Variants in PCDH9 observed in about 807,000 individuals in gnomAD.
PCDH9 encodes the protein protocadherin 9.
A neutral mutation model predicts 70.6 loss-of-function variants in PCDH9; 24 were observed. The ratio of observed to expected loss-of-function variants is 0.34; its 90% CI spans 0.25 to 0.48. The LOEUF (loss-of-function observed/expected upper bound fraction) is 0.48. Ranked by LOEUF, PCDH9 falls within the 20% of genes least tolerant of loss-of-function variation. The probability of loss-of-function intolerance (pLI) is 0.99; values close to 1 mark genes in which losing one functional copy is unlikely to be tolerated. For synonymous variants in PCDH9, 562 were observed against 558.5 expected (o/e 1.01, Z -0.09); for missense variants, 1,281 against 1,503.6 (o/e 0.85, Z 2.45).
intron 4 of PCDH9, among the ~76,000 whole-genome samples, chr13:66,524,232 A>G (rs921288287): frequency 2.1e-4 from 32 of 152,134 alleles, no homozygotes; most frequent in African/African-American, 6.0e-4. Context: ...TGAAAACTGT[A>G]GCTTAATAAT....
At chr13:66,647,459 T>C (rs1566479748) in intron 3 of PCDH9, among the ~76,000 whole-genome samples, 1 of 152,128 alleles carries the variant, frequency 6.6e-6, no homozygotes, top group Non-Finnish European at 1.5e-5. Context: ...AAAGGAAAAC[T>C]GCTGTCTTGA....
At chr13:66,648,717 TA>T (rs1005900935) in intron 3 of PCDH9, among the ~76,000 whole-genome samples, 8 of 150,990 alleles carry the variant, frequency 5.3e-5, no homozygotes, top group Admixed American at 2.0e-4. Context: ...CTCACCTCAC[TA>T]AAAAAAACTA....
chr13:66,967,317 T>C (rs1227645043), intron 2 of PCDH9, among the ~76,000 whole-genome samples: 6 of 152,098 alleles, frequency 3.9e-5, no homozygotes, highest in Admixed American at 2.0e-4. Context: ...AAAGCCACAC[T>C]GTCCAACATT....
chr13:66,572,685 C>A (rs1304843985), intron 4 of PCDH9, among the ~76,000 whole-genome samples: 1 of 152,132 alleles, frequency 6.6e-6, no homozygotes, highest in Non-Finnish European at 1.5e-5. Context: ...GAGTGCAGAT[C>A]TTTTCTACGC....
intron 2 of PCDH9, among the ~76,000 whole-genome samples, chr13:67,012,264 T>C (rs1416759268): frequency 6.6e-6 from 1 of 151,570 alleles, no homozygotes; most frequent in Non-Finnish European, 1.5e-5. Flanking sequence ...AAATGTAACC[T>C]TATAAATTAT....
chr13:66,779,646 C>T lies in PCDH9; in HGVS notation c.3138+123858G>A, dbSNP rs1048743608. 9.9e-5 allele frequency among the ~76,000 whole-genome samples: 15 copies of T among 151,978 alleles called. No homozygotes were observed. The South Asian group carries it at 3.1e-3, about 32-fold the overall frequency. On this transcript the variant is annotated intron_variant, in intron 3 of 4. Transcript: ENST00000377865. ...GACCATCTTAGCCAACATGGTGAAA[C>T]CCTGTCTCTACTAAAAATACAAAAA...
chr13:66,587,301 C>G (rs1027925217), intron 4 of PCDH9, among the ~76,000 whole-genome samples: 5 of 151,172 alleles, frequency 3.3e-5, no homozygotes, highest in Admixed American at 2.7e-4. Context: ...CTGTCTCAAA[C>G]AAAACAAAAC....
At chr13:67,121,943 G>A (rs2086885424) in intron 2 of PCDH9, among the ~76,000 whole-genome samples, 1 of 152,034 alleles carries the variant, frequency 6.6e-6, no homozygotes, top group Admixed American at 6.6e-5. Context: ...TTGTTTTAAA[G>A]CTGTACACAT....
At chr13:66,425,683 A>T (rs9285254) in intron 4 of PCDH9, among the ~76,000 whole-genome samples, 60,065 of 151,492 alleles carry the variant, frequency 0.4, 12,497 homozygotes, top group East Asian at 0.51. Flanking sequence ...TGTTCAGGTC[A>T]TCAGGATTAT....
At chr13:66,391,867 CTCTT>C (rs1957023518) in intron 4 of PCDH9, among the ~76,000 whole-genome samples, 1 of 130,186 alleles carries the variant, frequency 7.7e-6, no homozygotes, top group Admixed American at 8.7e-5. Flanking sequence ...CTCTCTCTCT[CTCTT>C]TGCCATATAT....
At chr13:66,389,236 T>C (rs1956979449) in intron 4 of PCDH9, among the ~76,000 whole-genome samples, 1 of 152,222 alleles carries the variant, frequency 6.6e-6, no homozygotes, top group Non-Finnish European at 1.5e-5. Flanking sequence ...TTTATCATTT[T>C]CTATTCTCCA....
chr13:67,119,210 G>T (rs1459481529), intron 2 of PCDH9, among the ~76,000 whole-genome samples: 1 of 152,018 alleles, frequency 6.6e-6, no homozygotes, highest in Non-Finnish European at 1.5e-5. Context: ...TATTGTTGTT[G>T]AAGATATTGT....
At chr13:66,977,377 G>A (rs1170659224) in intron 2 of PCDH9, 2 of 152,070 alleles carry the variant, frequency 1.3e-5, no homozygotes, top group Non-Finnish European at 2.9e-5. Flanking sequence ...GAGAGTCATA[G>A]CAGCAGGATA....
intron 3 of PCDH9, among the ~76,000 whole-genome samples, chr13:66,844,564 G>A (rs1373408981): frequency 2.0e-5 from 3 of 146,766 alleles, no homozygotes; most frequent in Non-Finnish European, 3.0e-5. Context: ...TAGCCAGGGT[G>A]ACAGGGCGAG....
Position 67,169,948 on chromosome 13 carries a change from C to T in PCDH9, c.3036+55457G>A, listed in dbSNP as rs779675728. Among the ~76,000 whole-genome samples, 4 of 152,130 alleles carry T rather than the reference C, an allele frequency of 2.6e-5. 1 individual carries two copies. Among genetic ancestry groups the T allele is most frequent in the Non-Finnish European group, 5.9e-5 (4 of 68,018 alleles). On this transcript the variant is annotated intron_variant, in intron 2 of 4. Coordinates refer to ENST00000377865, the MANE Select transcript of PCDH9 (RefSeq NM_203487.3). ...ATCCAGCTCCTCAAATCTCTGGAAC[C>T]AGTTAGGTACGTCTCTATATGGTTG...
chr13:67,015,883 G>T (rs1298314022), intron 2 of PCDH9, among the ~76,000 whole-genome samples: 5 of 152,084 alleles, frequency 3.3e-5, no homozygotes, highest in African/African-American at 1.2e-4. Flanking sequence ...GAAATTATTT[G>T]CATGGCTGTC....
chr13:67,208,130 C>G (rs1184259876), intron 2 of PCDH9: 1 of 152,170 alleles, frequency 6.6e-6, no homozygotes, highest in Non-Finnish European at 1.5e-5. Context: ...GCTCTATGAA[C>G]TCACAGAATT....
chr13:66,913,056 C>T (rs967500788), intron 2 of PCDH9, among the ~76,000 whole-genome samples: 17 of 151,996 alleles, frequency 1.1e-4, no homozygotes, highest in African/African-American at 3.9e-4. Flanking sequence ...GTAATAAATT[C>T]GGAGATTCAA....
intron 3 of PCDH9, among the ~76,000 whole-genome samples, chr13:66,736,539 T>C (rs1479119478): frequency 2.6e-5 from 4 of 152,214 alleles, no homozygotes; most frequent in Admixed American, 6.5e-5. Flanking sequence ...CCCAGTCTTC[T>C]TTTAGATTTT....
Sources: allele counts gnomAD v4.1 joint callset (sites outside exome capture counted in the v4.1 genomes callset), GRCh38; gene constraint gnomAD v4.1.1; transcripts MANE v1.5; gene names NCBI Gene and HGNC (gene_info 2026-07-23, HGNC 2026-07-21).